The following HNRNPC variants were observed in gnomAD, a reference collection of about 807,000 sequenced individuals.
The protein encoded by HNRNPC is heterogeneous nuclear ribonucleoproteins C1/C2.
A neutral mutation model predicts 33.2 loss-of-function variants in HNRNPC; 3 were observed. The ratio of observed to expected loss-of-function variants is 0.09; its 90% CI spans 0.04 to 0.23. The LOEUF (loss-of-function observed/expected upper bound fraction) is 0.23. Among genes scored for constraint, HNRNPC ranks in the 10% least tolerant of loss-of-function variants. HNRNPC has a pLI of 1.00. For missense variants in HNRNPC, 143 were observed against 366.7 expected (o/e 0.39, Z 4.98); for synonymous variants, 121 against 126.7 (o/e 0.96, Z 0.30).
chr14:21,218,288 T>C (rs752203120), intron 5 of HNRNPC, among the ~76,000 whole-genome samples: 1 of 152,280 alleles, frequency 6.6e-6, no homozygotes, highest in Admixed American at 6.5e-5. Flanking sequence ...CATTACTCAT[T>C]TGTCATGGTA....
chr14:21,213,322 G>T (rs377045009), intron 5 of HNRNPC: 2 of 534,144 alleles, frequency 3.7e-6, no homozygotes, highest in Non-Finnish European at 6.6e-6. Context: ...TAAAATAGTT[G>T]TAATACTGTA....
rs143915763 is a variant in HNRNPC, at chr14:21,211,902, G to A, written c.545C>T (p.Ala182Val). ...TATCTGGGTCAGCTCCTTCTTAATGGCCTGAAGGTCATCTCCTTTCACTTT... is the reference window on the plus strand; with the variant it reads ...TATCTGGGTCAGCTCCTTCTTAATGACCTGAAGGTCATCTCCTTTCACTTT... ...SGKLKGDDLQ[A>V]IKKELTQIKQ... Residue 182 changes from alanine to valine, a missense_variant, in exon 7 of 9, where the codon GCC becomes GTC. Transcript: ENST00000553300. 1.2e-6 allele frequency: 2 copies of A among 1,612,818 alleles called. No individual in the cohort carries two copies. Among genetic ancestry groups the A allele is most frequent in the South Asian group, 1.1e-5 (1 of 91,042 alleles).
intron 5 of HNRNPC, among the ~76,000 whole-genome samples, chr14:21,230,062 C>T (rs1893940957): frequency 6.6e-6 from 1 of 152,108 alleles, no homozygotes; most frequent in African/African-American, 2.4e-5. Context: ...CCCTAGTCAC[C>T]ACACTCAGCG....
chr14:21,244,353 ATGAG>A (rs1366530880), intron 2 of HNRNPC, among the ~76,000 whole-genome samples: 1 of 152,238 alleles, frequency 6.6e-6, no homozygotes, highest in Non-Finnish European at 1.5e-5. Flanking sequence ...CTTTCAATGT[ATGAG>A]TGATGTAATG....
At chr14:21,229,432 T>C (rs1893862555) in intron 5 of HNRNPC, among the ~76,000 whole-genome samples, 1 of 152,058 alleles carries the variant, frequency 6.6e-6, no homozygotes, top group African/African-American at 2.4e-5. Context: ...ATTTTGATGA[T>C]GCATTAATGA....
At chr14:21,214,356 C>CAA in intron 5 of HNRNPC, among the ~76,000 whole-genome samples, 1 of 152,314 alleles carries the variant, frequency 6.6e-6, no homozygotes, top group East Asian at 1.9e-4. Flanking sequence ...AAAACATTTA[C>CAA]AAGATCTCAT....
chr14:21,212,024 C>T, intron 6 of HNRNPC, 101 bp from the exon 7 acceptor site: 1 of 891,426 alleles, frequency 1.1e-6, no homozygotes. Context: ...ACAGGAGATA[C>T]CCAGGGAGAA....
chr14:21,226,091 AT>A (rs1347671837), intron 5 of HNRNPC, among the ~76,000 whole-genome samples: 44 of 151,864 alleles, frequency 2.9e-4, no homozygotes, highest in African/African-American at 1.1e-3. Flanking sequence ...GCCAAGGTGG[AT>A]GGATCATGAA....
intron 2 of HNRNPC, among the ~76,000 whole-genome samples, chr14:21,243,939 CA>C (rs1895651430): frequency 6.6e-6 from 1 of 150,658 alleles, no homozygotes. Context: ...AGACAGAGAA[CA>C]AAACATAAAA....
chr14:21,267,095 CAAAAAAAAAA>C (rs56203257), intron 1 of HNRNPC, among the ~76,000 whole-genome samples: 2 of 104,050 alleles, frequency 1.9e-5, no homozygotes, highest in Admixed American at 1.0e-4. Context: ...GACTCCGTCT[CAAAAAAAAAA>C]AAAAAAAAAA....
chr14:21,234,273 CA>C (rs1894422840), intron 2 of HNRNPC, 44 bp from the exon 3 acceptor site: 1 of 1,508,640 alleles, frequency 6.6e-7, no homozygotes, highest in Admixed American at 1.9e-5. Context: ...ATGCTAAAAA[CA>C]ATATTCCTTG....
At chr14:21,268,331 T>G (rs184708951) in intron 1 of HNRNPC, among the ~76,000 whole-genome samples, 30 of 152,340 alleles carry the variant, frequency 2.0e-4, no homozygotes, top group African/African-American at 6.7e-4. Context: ...AATTTTGTCA[T>G]CTTACACTTA....
chr14:21,220,774 TA>T (rs1222410288), intron 5 of HNRNPC, among the ~76,000 whole-genome samples: 1 of 151,644 alleles, frequency 6.6e-6, no homozygotes, highest in Non-Finnish European at 1.5e-5. Flanking sequence ...GAAAATCGAA[TA>T]AAAGTTGAAT....
intron 2 of HNRNPC, among the ~76,000 whole-genome samples, chr14:21,255,897 C>G (rs911205136): frequency 3.3e-5 from 5 of 152,170 alleles, no homozygotes; most frequent in African/African-American, 1.2e-4. Flanking sequence ...AAGGGGGTAG[C>G]TTCTGAGTAA....
chr14:21,258,482 C>T (rs1877613502), intron 2 of HNRNPC, among the ~76,000 whole-genome samples: 1 of 152,078 alleles, frequency 6.6e-6, no homozygotes, highest in Non-Finnish European at 1.5e-5. Context: ...AGGGTTGAAT[C>T]CATGCTAAAC....
chr14:21,240,627 G>C (rs938465994), intron 2 of HNRNPC, among the ~76,000 whole-genome samples: 7 of 152,064 alleles, frequency 4.6e-5, no homozygotes, highest in Admixed American at 1.3e-4. Flanking sequence ...TTTTATCTGG[G>C]CACTGTATGC....
chr14:21,259,103 C>T (rs969629725), intron 2 of HNRNPC, among the ~76,000 whole-genome samples: 3 of 152,140 alleles, frequency 2.0e-5, no homozygotes, highest in Admixed American at 2.0e-4. Flanking sequence ...TAACTCCATC[C>T]CTCATCTATG....
chr14:21,238,979 C>T (rs1434120831), intron 2 of HNRNPC, among the ~76,000 whole-genome samples: 1 of 151,964 alleles, frequency 6.6e-6, no homozygotes, highest in African/African-American at 2.4e-5. Context: ...ATACAAAAAT[C>T]AGCCATGCGT....
At chr14:21,235,683 TAA>T (rs1430453208) in intron 2 of HNRNPC, among the ~76,000 whole-genome samples, 1 of 152,074 alleles carries the variant, frequency 6.6e-6, no homozygotes, top group African/African-American at 2.4e-5. Context: ...CTGAGGACAC[TAA>T]AAAGAGGAAT....
Sources: gnomAD v4.1 joint callset for allele counts (sites outside exome capture counted in the v4.1 genomes callset) on GRCh38, gnomAD v4.1.1 for gene constraint, MANE v1.5 for transcripts, NCBI Gene and HGNC (gene_info 2026-07-23, HGNC 2026-07-21) for gene names.